The following DNAH11 variants were observed in gnomAD, a reference collection of about 807,000 sequenced individuals.
DNAH11 encodes the protein axonemal beta dynein heavy chain 11.
Under a neutral mutation model 526.0 loss-of-function variants are expected in DNAH11, and 442 were observed. The ratio of observed to expected loss-of-function variants is 0.84; its 90% CI spans 0.78 to 0.91. DNAH11 has a LOEUF of 0.91. Ranked by LOEUF, DNAH11 falls within the 40% of genes least tolerant of loss-of-function variation. The pLI is 0.00. For missense variants in DNAH11, 6,989 were observed against 5,448.7 expected, an observed-to-expected ratio of 1.28 and a Z score of -8.90; for synonymous variants, 2,461 against 1,935.9, an observed-to-expected ratio of 1.27 and a Z score of -7.12.
intron 79 of DNAH11, among the ~76,000 whole-genome samples, chr7:21,897,857 T>C (rs983463978): frequency 4.6e-5 from 7 of 152,168 alleles, no homozygotes; most frequent in Non-Finnish European, 1.0e-4. Flanking sequence ...CCTCAAGTGA[T>C]CCACCTGCCT....
intron 35 of DNAH11, among the ~76,000 whole-genome samples, chr7:21,694,577 A>T (rs957584144): frequency 3.9e-5 from 6 of 152,020 alleles, no homozygotes; most frequent in African/African-American, 1.5e-4. Context: ...TATGTGCCAC[A>T]TTTTCTTTTT....
rs773421259 is a variant in DNAH11 at position 21,588,561 on chromosome 7, G to A, written c.1898G>A (p.Gly633Glu). The change falls in exon 11 of 82, where the codon GGA becomes GAA. Residue 633 changes from glycine to glutamate, a missense_variant. Gly to Glu is a moderately conservative substitution (Grantham distance 98). Transcript: ENST00000409508. ...AACAAGAACATGCCATTTACCTCAG[G>A]AAATATGAAATGGGCCCAGCAGGTT... ...VLNKNMPFTS[G>E]NMKWAQQVLQ... 4 of 1,613,446 alleles carry A rather than the reference G, an allele frequency of 2.5e-6. No individual in the cohort carries two copies. Among genetic ancestry groups the A allele is most frequent in the Non-Finnish European group, 3.4e-6 (4 of 1,179,514 alleles).
intron 76 of DNAH11, 118 bp from the exon 77 acceptor site, chr7:21,892,307 G>A: frequency 2.1e-6 from 3 of 1,421,872 alleles, no homozygotes; most frequent in Non-Finnish European, 2.8e-6. Context: ...TAGGGAGCCT[G>A]CTACCCAGAC....
chr7:21,656,495 G>C (rs1235284472), intron 29 of DNAH11, among the ~76,000 whole-genome samples: 3 of 152,156 alleles, frequency 2.0e-5, no homozygotes, highest in Non-Finnish European at 4.4e-5. Flanking sequence ...CATGTGCACA[G>C]AGTTAAGTTA....
rs369662794 is a variant in DNAH11, at chr7:21,562,824, G to T, written c.983-1362G>T. Among the ~76,000 whole-genome samples the T allele has an allele frequency of 5.3e-5, 8 of 152,184 alleles. 2 individuals carry two copies. The highest frequency in any genetic ancestry group is 1.9e-4 in the East Asian group (1 of 5,168). ...CCTGAACATTCTTTTTATTCTCAGG[G>T]CTTTATTGTTACATAGACAGATGAA... On this transcript the variant is annotated intron_variant, in intron 5 of 81. Coordinates refer to ENST00000409508, the MANE Select transcript of DNAH11 (RefSeq NM_001277115.2).
At chr7:21,644,751 C>T (rs1787277293) in intron 28 of DNAH11, among the ~76,000 whole-genome samples, 1 of 152,266 alleles carries the variant, frequency 6.6e-6, no homozygotes, top group Middle Eastern at 3.4e-3. Context: ...GTAAGAGCAA[C>T]TCTGCTTGGC....
intron 28 of DNAH11, among the ~76,000 whole-genome samples, chr7:21,648,422 A>G (rs1787459790): frequency 6.6e-6 from 1 of 152,146 alleles, no homozygotes; most frequent in South Asian, 2.1e-4. Flanking sequence ...TTTGTATATC[A>G]TCACTTGCCC....
intron 74 of DNAH11, among the ~76,000 whole-genome samples, chr7:21,877,927 A>AGT (rs1284072238): frequency 6.7e-6 from 1 of 149,950 alleles, no homozygotes; most frequent in East Asian, 2.0e-4. Flanking sequence ...GTAGTAAAGG[A>AGT]GTACTCTTTT....
chr7:21,889,703 G>T (rs912455752), intron 76 of DNAH11, among the ~76,000 whole-genome samples: 1 of 152,142 alleles, frequency 6.6e-6, no homozygotes, highest in Admixed American at 6.5e-5. Flanking sequence ...CTTCTTTGGA[G>T]AAATGTCTAT....
Position 21,655,987 on chromosome 7 carries a change from A to T in DNAH11, c.5094+6A>T. ...AGTGTGAATGTGTGGGCCATGTAAG[A>T]TTTGATTATGAGGTTTTCTATGCTA... On this transcript the variant is annotated splice_donor_region_variant and intron_variant, in intron 29 of 81. Coordinates refer to ENST00000409508, the MANE Select transcript of DNAH11 (RefSeq NM_001277115.2). The T allele has an allele frequency of 6.3e-7, 1 of 1,585,018 alleles. No individual in the cohort carries two copies. Among genetic ancestry groups the T allele is most frequent in the East Asian group, 2.3e-5 (1 of 44,226 alleles).
intron 20 of DNAH11, among the ~76,000 whole-genome samples, chr7:21,613,133 A>G (rs1052335947): frequency 6.6e-6 from 1 of 151,508 alleles, no homozygotes; most frequent in Non-Finnish European, 1.5e-5. Flanking sequence ...GTATTCATAT[A>G]ATGTAGTACT....
chr7:21,860,787 A>G (rs1179704401), intron 68 of DNAH11, among the ~76,000 whole-genome samples: 4 of 152,206 alleles, frequency 2.6e-5, no homozygotes, highest in African/African-American at 9.6e-5. Flanking sequence ...ATAAAGAAAA[A>G]GAGGTTTAGT....
At chr7:21,878,747 C>G (rs1003164464) in intron 74 of DNAH11, among the ~76,000 whole-genome samples, 2 of 152,164 alleles carry the variant, frequency 1.3e-5, no homozygotes, top group Non-Finnish European at 2.9e-5. Flanking sequence ...CTGAAAAGCT[C>G]TCTGATCCTG....
At chr7:21,578,763 GC>G (rs1368996096) in intron 8 of DNAH11, among the ~76,000 whole-genome samples, 1 of 149,374 alleles carries the variant, frequency 6.7e-6, no homozygotes, top group Non-Finnish European at 1.5e-5. Flanking sequence ...TCAACTCTTG[GC>G]TTCTGTGTAC....
chr7:21,749,312 GT>G (rs1340515826), intron 52 of DNAH11, among the ~76,000 whole-genome samples: 3 of 152,034 alleles, frequency 2.0e-5, no homozygotes, highest in Non-Finnish European at 4.4e-5. Flanking sequence ...AAATAAACCC[GT>G]TTTCGAAAAA....
Position 21,842,649 on chromosome 7 carries a change from G to A in DNAH11, c.10797G>A (p.Gln3599=). ...NPHYKPELQA[Q]TTLLNFTVTE... ...ACTATAAGCCGGAATTACAAGCTCA[G>A]ACAACTCTCCTCAATTTCACAGTCA... Residue 3599 remains glutamine (Q), a synonymous_variant, in exon 66 of 82, where the codon CAG becomes CAA. Transcript: ENST00000409508. 6.2e-7 allele frequency: 1 copy of A among 1,613,918 alleles called. No individual in the cohort carries two copies. Among genetic ancestry groups the A allele is most frequent in the Non-Finnish European group, 8.5e-7 (1 of 1,179,864 alleles).
chr7:21,721,353 C>T (rs987050961), intron 44 of DNAH11, among the ~76,000 whole-genome samples: 4 of 152,194 alleles, frequency 2.6e-5, no homozygotes, highest in African/African-American at 9.7e-5. Flanking sequence ...AACCCTATTC[C>T]CTCTTCTCCA....
At chr7:21,889,394 C>T (rs1051750743) in intron 76 of DNAH11, among the ~76,000 whole-genome samples, 9 of 152,138 alleles carry the variant, frequency 5.9e-5, no homozygotes, top group African/African-American at 2.2e-4. Context: ...GTTTTCAATT[C>T]TTTCGGATAT....
At chr7:21,611,933 A>G (rs1354301484) in intron 20 of DNAH11, among the ~76,000 whole-genome samples, 1 of 152,222 alleles carries the variant, frequency 6.6e-6, no homozygotes, top group Non-Finnish European at 1.5e-5. Flanking sequence ...GTTATGCTCC[A>G]AACAATGCCA....
Sources: allele counts gnomAD v4.1 joint callset (sites outside exome capture counted in the v4.1 genomes callset), GRCh38; gene constraint gnomAD v4.1.1; transcripts MANE v1.5; gene names NCBI Gene and HGNC (gene_info 2026-07-23, HGNC 2026-07-21).